The following TYW1 variants were observed in gnomAD, a reference collection of about 807,000 sequenced individuals.
TYW1 encodes tRNA-yW synthesizing protein 1 homolog.
Under a neutral mutation model 96.2 loss-of-function variants are expected in TYW1, and 46 were observed. The ratio of observed to expected loss-of-function variants is 0.48; its 90% CI spans 0.38 to 0.61. The LOEUF is 0.61. Ranked by LOEUF, TYW1 falls within the 20% of genes least tolerant of loss-of-function variation. The probability of loss-of-function intolerance (pLI) is 0.00; values close to 1 mark genes in which losing one functional copy is unlikely to be tolerated. For missense variants in TYW1, 684 were observed against 909.6 expected (o/e 0.75, Z 3.19); for synonymous variants, 274 against 323.0 (o/e 0.85, Z 1.63).
intron 7 of TYW1, among the ~76,000 whole-genome samples, chr7:67,034,970 A>ATG (rs1794786673): frequency 6.6e-6 from 1 of 152,192 alleles, no homozygotes; most frequent in Non-Finnish European, 1.5e-5. Flanking sequence ...TACATCTGAG[A>ATG]TGTTATCAAT....
At chr7:67,159,865 A>G (rs568184559) in intron 13 of TYW1, among the ~76,000 whole-genome samples, 222 of 152,004 alleles carry the variant, frequency 1.5e-3, no homozygotes, top group Non-Finnish European at 2.4e-3. Flanking sequence ...CAGTGGCACA[A>G]TCTCGGCTCA....
Position 67,039,032 on chromosome 7 carries a change from A to G in TYW1, c.985-10917A>G, listed in dbSNP as rs186909862. On this transcript the variant is annotated intron_variant, in intron 7 of 15. Transcript: ENST00000359626. ...ATTTGAAAATCTAAAAAAAATTGTG[A>G]AATCTGAAAAACTTCTGATCCCCTA... Among the ~76,000 whole-genome samples the G allele has an allele frequency of 1.5e-3, 231 of 152,360 alleles. 2 individuals are homozygous for G. Among genetic ancestry groups the G allele is most frequent in the Admixed American group, 4.6e-3 (70 of 15,298 alleles).
At chr7:67,155,581 G>A (rs1798942916) in intron 13 of TYW1, among the ~76,000 whole-genome samples, 1 of 150,552 alleles carries the variant, frequency 6.6e-6, no homozygotes, top group African/African-American at 2.5e-5. Flanking sequence ...TTGAGACAGA[G>A]TTGCTCTGTC....
At chr7:67,099,775 G>A (rs6968594) in intron 12 of TYW1, among the ~76,000 whole-genome samples, 3,483 of 152,292 alleles carry the variant, frequency 0.023, 140 homozygotes, top group African/African-American at 0.079. Context: ...GACTGAGGCC[G>A]GTGGATCACC....
At chr7:67,111,514 CA>C (rs1297166392) in intron 12 of TYW1, among the ~76,000 whole-genome samples, 3 of 152,026 alleles carry the variant, frequency 2.0e-5, no homozygotes, top group African/African-American at 7.2e-5. Context: ...AAAGCATTTT[CA>C]AAGAAACAAA....
chr7:67,213,600 A>T (rs1801112842), intron 15 of TYW1, among the ~76,000 whole-genome samples: 1 of 152,220 alleles, frequency 6.6e-6, no homozygotes, highest in Non-Finnish European at 1.5e-5. Flanking sequence ...CTAAAAATTC[A>T]TTGTGACATT....
intron 12 of TYW1, among the ~76,000 whole-genome samples, chr7:67,113,515 T>A (rs1797492518): frequency 6.6e-6 from 1 of 152,248 alleles, no homozygotes; most frequent in Non-Finnish European, 1.5e-5. Flanking sequence ...ACTTGAACAC[T>A]GAGCCACACT....
intron 11 of TYW1, among the ~76,000 whole-genome samples, chr7:67,095,125 A>G: frequency 6.6e-6 from 1 of 151,706 alleles, no homozygotes; most frequent in East Asian, 2.0e-4. Context: ...CAGCCTCCCG[A>G]GTAGCTGGGC....
At chr7:67,119,604 T>C (rs545353610) in intron 13 of TYW1, among the ~76,000 whole-genome samples, 1 of 152,342 alleles carries the variant, frequency 6.6e-6, no homozygotes, top group South Asian at 2.1e-4. Context: ...GTGATTACTA[T>C]ACTGCAAAGT....
At chr7:67,098,122 T>G (rs1285540426) in intron 11 of TYW1, among the ~76,000 whole-genome samples, 1 of 152,178 alleles carries the variant, frequency 6.6e-6, no homozygotes, top group Non-Finnish European at 1.5e-5. Context: ...CCTATACAGC[T>G]TTGGACCAAC....
At chr7:67,019,263 T>C (rs1334503791) in intron 6 of TYW1, among the ~76,000 whole-genome samples, 1 of 152,260 alleles carries the variant, frequency 6.6e-6, no homozygotes, top group Non-Finnish European at 1.5e-5. Flanking sequence ...GTTGACTGTT[T>C]CATACTCATT....
chr7:67,236,008 G>T (rs2116456719), intron 15 of TYW1, among the ~76,000 whole-genome samples: 1 of 152,248 alleles, frequency 6.6e-6, no homozygotes, highest in East Asian at 1.9e-4. Context: ...AGGCTTGGTG[G>T]GGTGGAATGC....
intron 13 of TYW1, among the ~76,000 whole-genome samples, chr7:67,169,462 G>A (rs997068982): frequency 2.0e-5 from 3 of 151,892 alleles, no homozygotes; most frequent in African/African-American, 4.8e-5. Flanking sequence ...GTGCAGTGGC[G>A]TGATCTTGGC....
chr7:67,163,958 C>T (rs563938529), intron 13 of TYW1, among the ~76,000 whole-genome samples: 29 of 152,228 alleles, frequency 1.9e-4, no homozygotes, highest in African/African-American at 7.0e-4. Flanking sequence ...CGTAAACCAC[C>T]ACGCCTGGCA....
chr7:67,154,925 G>T (rs1202900687), intron 13 of TYW1, among the ~76,000 whole-genome samples: 1 of 151,652 alleles, frequency 6.6e-6, no homozygotes, highest in Admixed American at 6.6e-5. Context: ...TCTTGTCTTC[G>T]AGTTCAGAAG....
chr7:67,164,438 C>A (rs1314182117), intron 13 of TYW1, among the ~76,000 whole-genome samples: 1 of 145,322 alleles, frequency 6.9e-6, no homozygotes, highest in Non-Finnish European at 1.5e-5. Context: ...AGCGAAACAT[C>A]TCTACTAAAA....
rs150081937 is a variant in TYW1, at chr7:67,159,506, T to C, written c.1699-23620T>C. 6.8e-3 allele frequency among the ~76,000 whole-genome samples: 1,041 copies of C among 152,286 alleles called. 18 individuals carry two copies. Among genetic ancestry groups the C allele is most frequent in the African/African-American group, 0.023 (946 of 41,534 alleles). ...ATGTCTGATTTTAATGTTAATGTTTTACAGTATACTATATCACTAAGGTGT... is the reference window on the plus strand; with the variant it reads ...ATGTCTGATTTTAATGTTAATGTTTCACAGTATACTATATCACTAAGGTGT... On this transcript the variant is annotated intron_variant, in intron 13 of 15. Transcript: ENST00000359626.
intron 15 of TYW1, among the ~76,000 whole-genome samples, chr7:67,220,364 T>C (rs1261699978): frequency 6.6e-5 from 10 of 151,220 alleles, no homozygotes; most frequent in Non-Finnish European, 8.9e-5. Flanking sequence ...CCACCATGCC[T>C]GGCTAATTTT....
chr7:67,015,632 C>T (rs1793989827), intron 5 of TYW1, among the ~76,000 whole-genome samples: 1 of 152,180 alleles, frequency 6.6e-6, no homozygotes, highest in Non-Finnish European at 1.5e-5. Flanking sequence ...GGATTACAGG[C>T]ATGAACGTGT....
Sources: gnomAD v4.1 joint callset for allele counts (sites outside exome capture counted in the v4.1 genomes callset) on GRCh38, gnomAD v4.1.1 for gene constraint, MANE v1.5 for transcripts, NCBI Gene and HGNC (gene_info 2026-07-23, HGNC 2026-07-21) for gene names.